PACRG: variants seen among roughly 807,000 people sequenced by gnomAD.
PACRG encodes parkin coregulated.
In PACRG, 29 loss-of-function variants were observed where a neutral mutation model predicts 29.7. That is an observed-to-expected ratio of 0.98 (90% CI 0.73 to 1.33). The LOEUF is 1.33. PACRG is among the 40% of genes most tolerant of loss of function. PACRG has a pLI of 0.00. For missense variants in PACRG, 279 were observed against 316.2 expected, an observed-to-expected ratio of 0.88 and a Z score of 0.89; for synonymous variants, 116 against 118.7, an observed-to-expected ratio of 0.98 and a Z score of 0.15.
At chr6:163,093,228 A>G (rs1814277634) in intron 4 of PACRG, among the ~76,000 whole-genome samples, 1 of 152,226 alleles carries the variant, frequency 6.6e-6, no homozygotes, top group African/African-American at 2.4e-5. Flanking sequence ...CCTCTTTGAA[A>G]AAACCAAACT....
chr6:163,247,208 C>A (rs906468104), intron 4 of PACRG, among the ~76,000 whole-genome samples: 3 of 152,130 alleles, frequency 2.0e-5, no homozygotes, highest in African/African-American at 7.2e-5. Flanking sequence ...AAGGGAGTTT[C>A]ATAATTCAAT....
intron 2 of PACRG, among the ~76,000 whole-genome samples, chr6:162,995,162 T>C (rs375475729): frequency 2.7e-5 from 4 of 150,074 alleles, no homozygotes; most frequent in South Asian, 2.1e-4. Context: ...GACAGGGACA[T>C]TTAAGTCTGC....
At chr6:162,746,168 T>C (rs1339668097) in intron 1 of PACRG, among the ~76,000 whole-genome samples, 1 of 152,140 alleles carries the variant, frequency 6.6e-6, no homozygotes, top group African/African-American at 2.4e-5. Flanking sequence ...ATTTCACAGG[T>C]TGTCTATTCT....
intron 4 of PACRG, among the ~76,000 whole-genome samples, chr6:163,255,931 C>T (rs1296097821): frequency 6.6e-6 from 1 of 152,152 alleles, no homozygotes; most frequent in African/African-American, 2.4e-5. Flanking sequence ...CCACCATGTC[C>T]AGCCCCTGAT....
chr6:163,105,186 A>G (rs1375179194), intron 4 of PACRG, among the ~76,000 whole-genome samples: 1 of 152,192 alleles, frequency 6.6e-6, no homozygotes, highest in Non-Finnish European at 1.5e-5. Flanking sequence ...CTTGGCATGT[A>G]AATGATTTTA....
At chr6:162,759,051 A>T (rs1341274681) in intron 1 of PACRG, among the ~76,000 whole-genome samples, 8 of 152,220 alleles carry the variant, frequency 5.3e-5, no homozygotes, top group Admixed American at 3.9e-4. Flanking sequence ...TTCTGCATAA[A>T]TTGACATGGA....
In PACRG at chr6:163,178,735, C is replaced by G. The variant is rs528377322; in HGVS notation, c.613+89327C>G. Among the ~76,000 whole-genome samples, 24 of 152,266 alleles carry G rather than the reference C, an allele frequency of 1.6e-4. No individual in the cohort carries two copies. In the East Asian group the frequency reaches 4.1e-3, roughly 26 times the overall value. On this transcript the variant is annotated intron_variant, in intron 4 of 4. Transcript: ENST00000366888. Reference sequence around the variant, plus strand: ...AGGAGAAGCTGCCTTGCCAGGCTCCCCGGTGGCTGCCATCACATCCAGCAC... The same window carrying G: ...AGGAGAAGCTGCCTTGCCAGGCTCCGCGGTGGCTGCCATCACATCCAGCAC...
intron 4 of PACRG, among the ~76,000 whole-genome samples, chr6:163,139,550 T>G (rs1817071830): frequency 6.6e-6 from 1 of 152,070 alleles, no homozygotes; most frequent in Non-Finnish European, 1.5e-5. Context: ...GAGGAGACAG[T>G]TGACATAAAG....
chr6:163,199,500 C>T (rs958084704), intron 4 of PACRG, among the ~76,000 whole-genome samples: 6 of 152,122 alleles, frequency 3.9e-5, no homozygotes, highest in African/African-American at 1.4e-4. Context: ...GGGAGGAAAC[C>T]CAGCCACAGA....
chr6:163,261,477 C>A (rs916805697), intron 4 of PACRG, among the ~76,000 whole-genome samples: 2 of 152,148 alleles, frequency 1.3e-5, no homozygotes, highest in African/African-American at 4.8e-5. Context: ...CTCATACCCT[C>A]TTTGCTGGCC....
At chr6:163,057,363 C>T (rs1176927735) in intron 2 of PACRG, among the ~76,000 whole-genome samples, 2 of 152,178 alleles carry the variant, frequency 1.3e-5, no homozygotes, top group African/African-American at 4.8e-5. Flanking sequence ...TCTCATTATA[C>T]TTGGCCTGGT....
At chr6:163,239,757 C>A (rs952022645) in intron 4 of PACRG, among the ~76,000 whole-genome samples, 1 of 147,498 alleles carries the variant, frequency 6.8e-6, no homozygotes, top group Non-Finnish European at 1.5e-5. Context: ...CACATGCACA[C>A]ACACTCACAC....
At chr6:162,848,323 C>T (rs1281188823) in intron 2 of PACRG, among the ~76,000 whole-genome samples, 1 of 152,142 alleles carries the variant, frequency 6.6e-6, no homozygotes, top group Non-Finnish European at 1.5e-5. Context: ...GAGCAGCAGT[C>T]AGGAAAGGAA....
At chr6:162,971,979 T>C (rs1437345563) in intron 2 of PACRG, among the ~76,000 whole-genome samples, 1 of 152,168 alleles carries the variant, frequency 6.6e-6, no homozygotes, top group East Asian at 1.9e-4. Flanking sequence ...GACACCTGGA[T>C]CTCAGGCTCT....
At chr6:162,919,860 A>G (rs951750867) in intron 2 of PACRG, among the ~76,000 whole-genome samples, 1 of 152,192 alleles carries the variant, frequency 6.6e-6, no homozygotes, top group African/African-American at 2.4e-5. Flanking sequence ...AAATAGCTGT[A>G]TAACAGGGTC....
intron 4 of PACRG, among the ~76,000 whole-genome samples, chr6:163,295,622 T>G (rs1387912864): frequency 6.6e-6 from 1 of 152,232 alleles, no homozygotes; most frequent in Non-Finnish European, 1.5e-5. Flanking sequence ...TGTCTATAAA[T>G]TAGTTCATTT....
chr6:163,078,593 TATC>T (rs1214939388), intron 3 of PACRG, among the ~76,000 whole-genome samples: 5 of 152,156 alleles, frequency 3.3e-5, no homozygotes, highest in South Asian at 2.1e-4. Flanking sequence ...TTATAAGTGT[TATC>T]ATTGTCATCA....
intron 2 of PACRG, among the ~76,000 whole-genome samples, chr6:162,833,827 T>C (rs2128397749): frequency 6.6e-6 from 1 of 152,334 alleles, no homozygotes; most frequent in South Asian, 2.1e-4. Flanking sequence ...ATTGATGCAA[T>C]CTTATTTCTT....
chr6:162,904,961 A>T (rs551428334), intron 2 of PACRG, among the ~76,000 whole-genome samples: 1 of 152,238 alleles, frequency 6.6e-6, no homozygotes, highest in African/African-American at 2.4e-5. Flanking sequence ...GATCTAGTCC[A>T]AGGGAAGTAT....
Sources: gnomAD v4.1 joint callset for allele counts (sites outside exome capture counted in the v4.1 genomes callset) on GRCh38, gnomAD v4.1.1 for gene constraint, MANE v1.5 for transcripts, NCBI Gene and HGNC (gene_info 2026-07-23, HGNC 2026-07-21) for gene names.